ACBD3: variants seen among roughly 807,000 people sequenced by gnomAD.
ACBD3 encodes the protein acyl-CoA binding domain containing 3.
Under a neutral mutation model 66.9 loss-of-function variants are expected in ACBD3, and 30 were observed. The ratio of observed to expected loss-of-function variants is 0.45; its 90% CI spans 0.34 to 0.61. The LOEUF is 0.61. ACBD3 is among the 20% of genes least tolerant of loss of function. The pLI, the probability that ACBD3 is intolerant of heterozygous loss-of-function variation, is 0.02. For missense variants in ACBD3, 544 were observed against 664.5 expected, an observed-to-expected ratio of 0.82 and a Z score of 1.99; for synonymous variants, 278 against 259.8, an observed-to-expected ratio of 1.07 and a Z score of -0.68.
At chr1:226,184,172 G>A (rs530125476) in intron 1 of ACBD3, among the ~76,000 whole-genome samples, 6 of 152,170 alleles carry the variant, frequency 3.9e-5, no homozygotes, top group Non-Finnish European at 8.8e-5. Context: ...CAGCCTGGGC[G>A]ACAGAGTGAG....
At chr1:226,155,077 G>T in intron 5 of ACBD3, 1 of 294,452 alleles carries the variant, frequency 3.4e-6, no homozygotes, top group Non-Finnish European at 6.2e-6. Flanking sequence ...TGCAACTAAG[G>T]CTCACATTTC....
rs1659423681 is a variant in ACBD3 at position 226,145,160 on chromosome 1, A to G, written c.*1450T>C. On this transcript the variant is annotated 3_prime_UTR_variant, in exon 8 of 8. Coordinates refer to ENST00000366812, the MANE Select transcript of ACBD3 (RefSeq NM_022735.4). The stretch of plus-strand genomic sequence containing the variant: ...CACAAATTAAGCACTGCTTAAGAAA[A>G]AAAAAATCCAGTTTCTGAACAACCA... 6.6e-6 allele frequency: 1 copy of G among 152,592 alleles called. No homozygotes were observed. Among genetic ancestry groups the G allele is most frequent in the South Asian group, 2.1e-4 (1 of 4,832 alleles). 9.5% of individuals were successfully genotyped at this position (152,592 alleles called of 1,614,324 possible).
chr1:226,184,642 C>A (rs750958983), intron 1 of ACBD3, among the ~76,000 whole-genome samples: 3 of 152,114 alleles, frequency 2.0e-5, no homozygotes, highest in Non-Finnish European at 4.4e-5. Flanking sequence ...TAACTAGAAT[C>A]CAGAGCTTCC....
At chr1:226,171,631 G>T (rs1188186825) in intron 1 of ACBD3, among the ~76,000 whole-genome samples, 1 of 151,578 alleles carries the variant, frequency 6.6e-6, no homozygotes, top group Non-Finnish European at 1.5e-5. Context: ...TCTGCCTCCC[G>T]GGCTCAAGCG....
intron 1 of ACBD3, among the ~76,000 whole-genome samples, chr1:226,176,776 A>C (rs894201555): frequency 2.0e-5 from 3 of 152,192 alleles, no homozygotes; most frequent in South Asian, 2.1e-4. Context: ...ACTTTTGTGA[A>C]TACTGACTCA....
intron 1 of ACBD3, among the ~76,000 whole-genome samples, chr1:226,173,683 G>A (rs1655920130): frequency 6.6e-6 from 1 of 151,714 alleles, no homozygotes; most frequent in Non-Finnish European, 1.5e-5. Flanking sequence ...TCTTCAGGTG[G>A]CTCTGGTTGA....
At chr1:226,154,332 C>G (rs1045003405) in intron 6 of ACBD3, among the ~76,000 whole-genome samples, 2 of 152,004 alleles carry the variant, frequency 1.3e-5, no homozygotes, top group African/African-American at 4.8e-5. Context: ...CTCAGCCTCC[C>G]AGAGTGCTGG....
rs185630727 is a variant in ACBD3 at position 226,186,701 on chromosome 1, G to A, written c.-26C>T. 89 of 1,458,246 alleles carry A rather than the reference G, an allele frequency of 6.1e-5. No homozygotes were observed. The African/African-American group carries it at 1.1e-3, about 18-fold the overall frequency. 90.3% of individuals were successfully genotyped at this position (1,458,246 alleles called of 1,614,324 possible). A position where few individuals can be genotyped will look rare whatever the true frequency, so the allele number is the denominator to read the frequency against. ...CTCCGGCTGCTGCACCTCCTCAGCG[G>A]GGACAGACGGCAGCCACGTATCGAC... is the stretch of plus-strand genomic sequence containing the variant. On this transcript the variant is annotated 5_prime_UTR_variant, in exon 1 of 8. Coordinates refer to ENST00000366812, the MANE Select transcript of ACBD3 (RefSeq NM_022735.4).
intron 1 of ACBD3, among the ~76,000 whole-genome samples, chr1:226,181,874 G>A (rs985553339): frequency 6.6e-6 from 1 of 152,154 alleles, no homozygotes; most frequent in Non-Finnish European, 1.5e-5. Context: ...GAACCCACTG[G>A]ATTCCTGTGG....
chr1:226,168,985 C>T (rs1467902182), intron 1 of ACBD3, among the ~76,000 whole-genome samples: 1 of 152,032 alleles, frequency 6.6e-6, no homozygotes. Context: ...GCCTCAGCCT[C>T]CCAAGTAGCT....
intron 3 of ACBD3, 44 bp downstream of exon 3, chr1:226,164,745 C>A: frequency 6.3e-7 from 1 of 1,577,184 alleles, no homozygotes. Flanking sequence ...CATCAGTACA[C>A]TGGGCTGCGC....
intron 1 of ACBD3, among the ~76,000 whole-genome samples, chr1:226,166,492 T>G (rs1449733127): frequency 6.6e-6 from 1 of 151,228 alleles, no homozygotes; most frequent in Non-Finnish European, 1.5e-5. Context: ...TGATTTTTTT[T>G]TTTTTTTTTT....
chr1:226,178,574 CAA>C (rs57231361), intron 1 of ACBD3, among the ~76,000 whole-genome samples: 2,484 of 83,572 alleles, frequency 0.03, 49 homozygotes, highest in Middle Eastern at 0.045. Context: ...GACTCCGTCT[CAA>C]AAAAAAAAAA....
chr1:226,154,225 GT>G (rs979378165), intron 6 of ACBD3, among the ~76,000 whole-genome samples: 9 of 147,722 alleles, frequency 6.1e-5, no homozygotes, highest in Admixed American at 6.8e-5. Flanking sequence ...ATTTTTGTTT[GT>G]TTTTTTTTTG....
At chr1:226,183,006 T>C (rs1656205153) in intron 1 of ACBD3, among the ~76,000 whole-genome samples, 1 of 152,214 alleles carries the variant, frequency 6.6e-6, no homozygotes, top group Non-Finnish European at 1.5e-5. Flanking sequence ...AAATTAAGAA[T>C]AGTTGACGTA....
At chr1:226,151,389 AAC>A (rs1659569843) in intron 7 of ACBD3, among the ~76,000 whole-genome samples, 2 of 152,236 alleles carry the variant, frequency 1.3e-5, no homozygotes, top group Non-Finnish European at 2.9e-5. Context: ...CCTACATTCT[AAC>A]TTTCCTGGGT....
At chr1:226,160,654 C>T (rs16860230) in intron 4 of ACBD3, among the ~76,000 whole-genome samples, 23,954 of 152,122 alleles carry the variant, frequency 0.16, 1,981 homozygotes, top group East Asian at 0.22. Context: ...AATGGACTCT[C>T]ATGTTCTCTG....
chr1:226,155,081 A>C (rs1361277298), intron 5 of ACBD3: 2 of 287,850 alleles, frequency 6.9e-6, no homozygotes, highest in African/African-American at 2.2e-5. Flanking sequence ...ACTAAGGCTC[A>C]CATTTCTGTG....
chr1:226,161,207 C>T (rs1038811857), intron 4 of ACBD3, among the ~76,000 whole-genome samples: 1 of 145,444 alleles, frequency 6.9e-6, no homozygotes, highest in Non-Finnish European at 1.5e-5. Flanking sequence ...GGCGCGATCT[C>T]GGCTCACTGC....
Sources: gnomAD v4.1 joint callset for allele counts (sites outside exome capture counted in the v4.1 genomes callset) on GRCh38, gnomAD v4.1.1 for gene constraint, MANE v1.5 for transcripts, NCBI Gene and HGNC (gene_info 2026-07-23, HGNC 2026-07-21) for gene names.